WWOX: variants seen among roughly 807,000 people sequenced by gnomAD.
The protein encoded by WWOX is WW domain-containing oxidoreductase.
WWOX carries 69 observed loss-of-function variants against 46.2 expected under a neutral mutation model. That is an observed-to-expected ratio of 1.49 (90% CI 1.23 to 1.82). The LOEUF is 1.82. Ranked by LOEUF, WWOX falls within the 40% of genes most tolerant of loss-of-function variation. The probability of loss-of-function intolerance (pLI) is 0.00; values close to 1 mark genes in which losing one functional copy is unlikely to be tolerated. For synonymous variants in WWOX, 359 were observed against 202.6 expected (o/e 1.77, Z -6.56); for missense variants, 919 against 542.6 (o/e 1.69, Z -6.89).
At chr16:78,775,662 G>A (rs1285694144) in intron 8 of WWOX, among the ~76,000 whole-genome samples, 1 of 152,158 alleles carries the variant, frequency 6.6e-6, no homozygotes, top group African/African-American at 2.4e-5. Context: ...GATGGGACAG[G>A]AGCCTTAGTA....
intron 8 of WWOX, among the ~76,000 whole-genome samples, chr16:79,120,665 G>A (rs536937727): frequency 2.0e-5 from 3 of 152,288 alleles, no homozygotes; most frequent in South Asian, 2.1e-4. Flanking sequence ...GCTTCAGGTC[G>A]CGGTAAGCAT....
chr16:78,421,680 C>G (rs1240141934), intron 6 of WWOX, among the ~76,000 whole-genome samples: 3 of 152,010 alleles, frequency 2.0e-5, no homozygotes, highest in Non-Finnish European at 2.9e-5. Flanking sequence ...ATGGTCTGCC[C>G]CAGATGCAGG....
intron 4 of WWOX, among the ~76,000 whole-genome samples, chr16:78,144,229 T>A (rs1484656986): frequency 6.6e-6 from 1 of 151,530 alleles, no homozygotes; most frequent in East Asian, 2.0e-4. Flanking sequence ...TAATGATTAA[T>A]AGTTGAATAG....
At chr16:78,621,378 A>C (rs1406108370) in intron 8 of WWOX, among the ~76,000 whole-genome samples, 1 of 150,428 alleles carries the variant, frequency 6.6e-6, no homozygotes, top group East Asian at 2.0e-4. Flanking sequence ...CTGCTGTCTT[A>C]CCTCCTCATC....
chr16:79,039,555 G>T (rs1260722188), intron 8 of WWOX, among the ~76,000 whole-genome samples: 2 of 152,122 alleles, frequency 1.3e-5, no homozygotes, highest in African/African-American at 4.8e-5. Flanking sequence ...TGTGTCCATG[G>T]TCGAGGTGTC....
intron 5 of WWOX, among the ~76,000 whole-genome samples, chr16:78,171,234 A>C (rs555819024): frequency 1.9e-4 from 29 of 152,186 alleles, no homozygotes; most frequent in Admixed American, 1.6e-3. Context: ...CTGTGTTTTC[A>C]TGGCATGATA....
chr16:78,293,395 C>T (rs2079889731), intron 5 of WWOX, among the ~76,000 whole-genome samples: 1 of 152,150 alleles, frequency 6.6e-6, no homozygotes, highest in Admixed American at 6.6e-5. Flanking sequence ...CAGAAATGGT[C>T]CCTGCTCTTC....
At chr16:79,043,552 A>T (rs2048011241) in intron 8 of WWOX, among the ~76,000 whole-genome samples, 2 of 152,218 alleles carry the variant, frequency 1.3e-5, no homozygotes, top group East Asian at 3.9e-4. Flanking sequence ...GACAGCTTGC[A>T]TGTGTAGTTA....
intron 6 of WWOX, among the ~76,000 whole-genome samples, chr16:78,424,290 T>C (rs1308262967): frequency 6.6e-6 from 1 of 151,962 alleles, no homozygotes; most frequent in Non-Finnish European, 1.5e-5. Context: ...GCTAATTTTT[T>C]TTGTGTTTTG....
intron 8 of WWOX, among the ~76,000 whole-genome samples, chr16:78,626,819 G>A (rs11859824): frequency 0.2 from 30,597 of 151,860 alleles, 3,713 homozygotes; most frequent in African/African-American, 0.34. Context: ...TTTATATCAC[G>A]GTACACTCAT....
intron 8 of WWOX, chr16:78,691,355 A>G: frequency 1.4e-6 from 1 of 691,732 alleles, no homozygotes; most frequent in South Asian, 1.5e-5. Flanking sequence ...TTATCTTATG[A>G]CAAAGGTGAC....
chr16:78,591,820 C>T (rs1190239535), intron 8 of WWOX, among the ~76,000 whole-genome samples: 1 of 152,138 alleles, frequency 6.6e-6, no homozygotes, highest in African/African-American at 2.4e-5. Context: ...GGTGACAAAA[C>T]TCAAAGAAGA....
chr16:79,167,946 A>G (rs2050626903), intron 8 of WWOX, among the ~76,000 whole-genome samples: 1 of 152,130 alleles, frequency 6.6e-6, no homozygotes, highest in East Asian at 1.9e-4. Flanking sequence ...GGATTTGCCT[A>G]TTCTGGGTAT....
At chr16:78,751,298 T>C (rs2142450330) in intron 8 of WWOX, among the ~76,000 whole-genome samples, 1 of 151,498 alleles carries the variant, frequency 6.6e-6, no homozygotes, top group East Asian at 1.9e-4. Flanking sequence ...CATCTAGCAT[T>C]AAATTTAGCT....
intron 8 of WWOX, among the ~76,000 whole-genome samples, chr16:78,433,889 A>G (rs1567571346): frequency 7.1e-6 from 1 of 140,980 alleles, no homozygotes; most frequent in Non-Finnish European, 1.5e-5. Context: ...TCCCGGGTTC[A>G]CGCCATTCTC....
intron 8 of WWOX, among the ~76,000 whole-genome samples, chr16:78,901,833 G>A (rs11864605): frequency 0.12 from 19,000 of 152,232 alleles, 1,585 homozygotes; most frequent in Non-Finnish European, 0.17. Context: ...CAAGTCTGTC[G>A]CTGCCCAGGA....
chr16:78,855,673 T>G (rs1176154794), intron 8 of WWOX, among the ~76,000 whole-genome samples: 1 of 152,226 alleles, frequency 6.6e-6, no homozygotes, highest in Non-Finnish European at 1.5e-5. Context: ...CTGTATAGAC[T>G]TAATCATTTT....
At chr16:78,741,041 G>C (rs923018894) in intron 8 of WWOX, among the ~76,000 whole-genome samples, 1 of 152,166 alleles carries the variant, frequency 6.6e-6, no homozygotes, top group African/African-American at 2.4e-5. Context: ...GCAGTGGCCA[G>C]CAAAGTCCCT....
rs549525682 is a variant in WWOX at position 78,653,399 on chromosome 16, A to C, written c.1056+220647A>C. Among the ~76,000 whole-genome samples the C allele has an allele frequency of 2.3e-3, 351 of 152,322 alleles. 1 individual carries two copies. The highest frequency in any genetic ancestry group is 8.2e-3 in the African/African-American group (339 of 41,582). On this transcript the variant is annotated intron_variant, in intron 8 of 8. Coordinates refer to ENST00000566780, the MANE Select transcript of WWOX (RefSeq NM_016373.4). The stretch of plus-strand genomic sequence containing the variant: ...AGCAGTAATAATAGATGACTCCCCA[A>C]AATCCTTTTGCCTCTAATGATTAGT...
Sources: gnomAD v4.1 joint callset for allele counts (sites outside exome capture counted in the v4.1 genomes callset) on GRCh38, gnomAD v4.1.1 for gene constraint, MANE v1.5 for transcripts, NCBI Gene and HGNC (gene_info 2026-07-23, HGNC 2026-07-21) for gene names.